Variants in ATP9B observed in about 807,000 individuals in gnomAD.
ATP9B encodes the protein ATPase phospholipid transporting 9B.
A neutral mutation model predicts 146.1 loss-of-function variants in ATP9B; 110 were observed. The ratio of observed to expected loss-of-function variants is 0.75; its 90% CI spans 0.65 to 0.88. ATP9B has a LOEUF of 0.88. Ranked by LOEUF, ATP9B falls within the 40% of genes least tolerant of loss-of-function variation. The pLI, the probability that ATP9B is intolerant of heterozygous loss-of-function variation, is 0.00. For missense variants in ATP9B, 1,499 were observed against 1,496.4 expected (o/e 1.00, Z -0.03); for synonymous variants, 604 against 569.7 (o/e 1.06, Z -0.86).
rs139124036 is a variant in ATP9B, at chr18:79,375,955, G to A, written c.3307+529G>A. On this transcript the variant is annotated intron_variant, in intron 29 of 29. Transcript: ENST00000426216. ...TTTCTCATCTGCCTCTTTTCATGCGGAATTCAAGTAGCTAGTCATTAGCAG... is the reference window on the plus strand; with the variant it reads ...TTTCTCATCTGCCTCTTTTCATGCGAAATTCAAGTAGCTAGTCATTAGCAG... The A allele has an allele frequency of 6.9e-5, 68 of 985,312 alleles. 1 individual carries two copies. The East Asian group carries it at 6.8e-3, about 99-fold the overall frequency. 61.0% of individuals were successfully genotyped at this position (985,312 alleles called of 1,614,324 possible). A position where few individuals can be genotyped will look rare whatever the true frequency, so the allele number is the denominator to read the frequency against.
intron 11 of ATP9B, among the ~76,000 whole-genome samples, chr18:79,234,668 C>T (rs114899271): frequency 4.1e-5 from 6 of 145,424 alleles, no homozygotes; most frequent in African/African-American, 8.1e-5. Context: ...TGGGTGTGCT[C>T]CTGTGGGTGT....
chr18:79,104,212 G>A (rs918079285), intron 2 of ATP9B, among the ~76,000 whole-genome samples: 2 of 152,176 alleles, frequency 1.3e-5, no homozygotes, highest in African/African-American at 4.8e-5. Flanking sequence ...TCACCATGGA[G>A]ATCATTGGGT....
intron 7 of ATP9B, among the ~76,000 whole-genome samples, chr18:79,163,869 TACACAC>T (rs56408063): frequency 0.012 from 1,717 of 142,778 alleles, 14 homozygotes; most frequent in African/African-American, 0.018. Context: ...TTTTATTTTA[TACACAC>T]ACACACACAC....
At chr18:79,086,630 T>G (rs1369369738) in intron 1 of ATP9B, among the ~76,000 whole-genome samples, 1 of 151,956 alleles carries the variant, frequency 6.6e-6, no homozygotes, top group East Asian at 1.9e-4. Flanking sequence ...TAGCTTCAAA[T>G]TTTTGGGTTT....
At chr18:79,130,897 A>C (rs1393533227) in intron 5 of ATP9B, among the ~76,000 whole-genome samples, 1 of 152,250 alleles carries the variant, frequency 6.6e-6, no homozygotes, top group African/African-American at 2.4e-5. Flanking sequence ...CTGGTGGCCC[A>C]TGCCTGTAAT....
At chr18:79,371,196 AC>A (rs1340223346) in intron 26 of ATP9B, among the ~76,000 whole-genome samples, 7 of 152,024 alleles carry the variant, frequency 4.6e-5, no homozygotes, top group South Asian at 2.1e-4. Flanking sequence ...ACATGGTGAA[AC>A]CCCCTCTCTA....
At chr18:79,217,064 T>C (rs553110814) in intron 11 of ATP9B, among the ~76,000 whole-genome samples, 1 of 152,248 alleles carries the variant, frequency 6.6e-6, no homozygotes, top group Non-Finnish European at 1.5e-5. Context: ...CGTTCCCGAC[T>C]GTAGAGCCGG....
In ATP9B at chr18:79,336,619, C is replaced by T; in HGVS notation, c.2029-9C>T. Reference sequence around the variant, plus strand: ...GGGCCCACCTGTGACTCGGCCTCTCCTTTTCCAGTGCGGAAACATGGCTCG... The same window carrying T: ...GGGCCCACCTGTGACTCGGCCTCTCTTTTTCCAGTGCGGAAACATGGCTCG... On this transcript the variant is annotated splice_polypyrimidine_tract_variant and intron_variant, in intron 17 of 29. Transcript: ENST00000426216. The T allele has an allele frequency of 6.2e-7, 1 of 1,613,638 alleles. No individual in the cohort carries two copies. The highest frequency in any genetic ancestry group is 8.5e-7 in the Non-Finnish European group (1 of 1,179,836).
intron 4 of ATP9B, among the ~76,000 whole-genome samples, chr18:79,118,418 T>TTTTTG (rs2094130947): frequency 1.5e-5 from 2 of 136,794 alleles, no homozygotes; most frequent in African/African-American, 5.6e-5. Flanking sequence ...TTTTTTTTTT[T>TTTTTG]GAGACAGAGT....
intron 8 of ATP9B, among the ~76,000 whole-genome samples, chr18:79,182,644 A>G (rs919152725): frequency 9.9e-6 from 1 of 100,844 alleles, no homozygotes; most frequent in Non-Finnish European, 1.9e-5. Context: ...TGGGAGGACA[A>G]GTCTCATATT....
chr18:79,289,123 G>A (rs2096475060), intron 13 of ATP9B, among the ~76,000 whole-genome samples: 1 of 152,122 alleles, frequency 6.6e-6, no homozygotes, highest in Non-Finnish European at 1.5e-5. Context: ...GAGTATCTTT[G>A]TGGAGTTCTC....
chr18:79,287,192 G>T (rs1289612090), intron 13 of ATP9B, among the ~76,000 whole-genome samples: 2 of 152,224 alleles, frequency 1.3e-5, no homozygotes, highest in Non-Finnish European at 2.9e-5. Context: ...CAGAAGGAAT[G>T]ATACCAGTTC....
chr18:79,340,351 G>A (rs911697431), intron 19 of ATP9B: 21 of 152,176 alleles, frequency 1.4e-4, no homozygotes, highest in South Asian at 8.3e-4. Flanking sequence ...GATTTTCAGC[G>A]GGACCTCACT....
chr18:79,217,621 G>A (rs1030334908), intron 11 of ATP9B, among the ~76,000 whole-genome samples: 10 of 152,224 alleles, frequency 6.6e-5, no homozygotes, highest in Non-Finnish European at 1.0e-4. Flanking sequence ...TACACTGGGC[G>A]AAAGGTAACA....
chr18:79,143,509 T>C (rs1049584957), intron 5 of ATP9B, among the ~76,000 whole-genome samples: 2 of 152,234 alleles, frequency 1.3e-5, no homozygotes, highest in Non-Finnish European at 2.9e-5. Context: ...CATTGTTGAC[T>C]TGGAACTGAA....
intron 19 of ATP9B, among the ~76,000 whole-genome samples, chr18:79,340,638 T>C (rs567153479): frequency 6.6e-6 from 1 of 152,360 alleles, no homozygotes; most frequent in East Asian, 1.9e-4. Flanking sequence ...AGAATATTAC[T>C]GGAAGTTCTT....
chr18:79,159,308 C>T (rs1178092002), intron 7 of ATP9B, among the ~76,000 whole-genome samples: 1 of 152,150 alleles, frequency 6.6e-6, no homozygotes, highest in Admixed American at 6.5e-5. Flanking sequence ...TATTATTATT[C>T]TCCCCATCCA....
Position 79,193,322 on chromosome 18 carries a change from A to G in ATP9B, c.954+59A>G, listed in dbSNP as rs987957235. On this transcript the variant is annotated intron_variant, in intron 9 of 29. Transcript: ENST00000426216. ...TTATTGTGTAAGTTAAAAGTAGCAA[A>G]CCTTTGAGACAGTAATTCAATCAAG... The G allele has an allele frequency of 3.0e-5, 39 of 1,310,668 alleles. No individual in the cohort carries two copies. The African/African-American group carries it at 5.4e-4, about 18-fold the overall frequency. The allele number at this position is 1,310,668 out of a possible 1,614,324, so 81.2% of individuals were successfully genotyped here.
At chr18:79,167,613 A>T (rs1006646381) in intron 7 of ATP9B, among the ~76,000 whole-genome samples, 4 of 152,068 alleles carry the variant, frequency 2.6e-5, no homozygotes, top group African/African-American at 4.8e-5. Flanking sequence ...TTTCTGTGTG[A>T]GTCTGGCCGA....
Sources: gnomAD v4.1 joint callset for allele counts (sites outside exome capture counted in the v4.1 genomes callset) on GRCh38, gnomAD v4.1.1 for gene constraint, MANE v1.5 for transcripts, NCBI Gene and HGNC (gene_info 2026-07-23, HGNC 2026-07-21) for gene names.